SLC12A9: variants seen among roughly 807,000 people sequenced by gnomAD.
SLC12A9 encodes CCC-interacting protein 1.
In SLC12A9, 55 loss-of-function variants were observed where a neutral mutation model predicts 66.0. That is an observed-to-expected ratio of 0.83 (90% confidence interval 0.67 to 1.04). The LOEUF is 1.04. SLC12A9 is among the 50% of genes least tolerant of loss of function. The probability of loss-of-function intolerance (pLI) is 0.00; values close to 1 mark genes in which losing one functional copy is unlikely to be tolerated. For missense variants in SLC12A9, 1,061 were observed against 1,241.9 expected (o/e 0.85, Z 2.19); for synonymous variants, 577 against 569.0 (o/e 1.01, Z -0.20).
chr7:100,835,401 C>T (rs1813632643), intron 1 of SLC12A9, among the ~76,000 whole-genome samples: 1 of 150,974 alleles, frequency 6.6e-6, no homozygotes, highest in African/African-American at 2.4e-5. Flanking sequence ...CCTGTAATCC[C>T]AGCACTTTGG....
At chr7:100,855,392 G>A (rs910163538) in intron 3 of SLC12A9, 2 of 325,680 alleles carry the variant, frequency 6.1e-6, no homozygotes, top group African/African-American at 4.5e-5. Flanking sequence ...AAAATGCTAG[G>A]ATTACAGGCG....
upstream of SLC12A9, among the ~76,000 whole-genome samples, chr7:100,848,302 C>A (rs1813962945): frequency 6.6e-6 from 1 of 151,166 alleles, no homozygotes; most frequent in Non-Finnish European, 1.5e-5. Context: ...CCCAACAGTT[C>A]AAGACCAGCC....
chr7:100,861,001 GCACTTTGCAGGGTTCA>G lies in SLC12A9; in HGVS notation c.1219-135_1219-120del. Reference sequence around the variant, plus strand: ...TCATTGACACTTTGGGGGTGCACTGGCACTTTGCAGGGTTCACTGGCACTTTCTGGGGCTCATTGAC... The same window carrying G: ...TCATTGACACTTTGGGGGTGCACTGGCTGGCACTTTCTGGGGCTCATTGAC... On this transcript the variant is annotated intron_variant, in intron 9 of 13. Transcript: ENST00000354161. The surrounding 1 kb of genome is among the most constrained non-coding windows in gnomAD (Gnocchi z 5.3). 1 of 1,487,072 alleles carries G rather than the reference GCACTTTGCAGGGTTCA, an allele frequency of 6.7e-7. No individual in the cohort carries two copies. The highest frequency in any genetic ancestry group is 9.3e-7 in the Non-Finnish European group (1 of 1,077,530). The allele number at this position is 1,487,072 out of a possible 1,614,324, so 92.1% of individuals were successfully genotyped here.
chr7:100,864,435 A>G (rs1198646467), intron 13 of SLC12A9, among the ~76,000 whole-genome samples: 3 of 152,212 alleles, frequency 2.0e-5, no homozygotes, highest in Non-Finnish European at 2.9e-5. Context: ...GTTCCTTTAA[A>G]TGGTGGATTC....
chr7:100,851,129 T>C (rs1310742549), upstream of SLC12A9, among the ~76,000 whole-genome samples: 2 of 151,332 alleles, frequency 1.3e-5, no homozygotes, highest in Non-Finnish European at 3.0e-5. Context: ...AGTCCTGAGA[T>C]TACAGGCGTG....
chr7:100,854,234 C>T lies in SLC12A9; in HGVS notation c.37C>T (p.Leu13Phe), dbSNP rs1289252926. 1 of 1,576,434 alleles carries T rather than the reference C, an allele frequency of 6.3e-7. No individual in the cohort carries two copies. The highest frequency in any genetic ancestry group is 2.3e-5 in the East Asian group (1 of 44,314). ...SESSPLLAYR[L>F]LGEEGVALPA... ...GAGCTCACCTCTGCTGGCCTACCGG[C>T]TCCTGGGGGAGGAGGGGGTTGCCCT... Residue 13 changes from leucine to phenylalanine, a missense_variant, in exon 2 of 14, where the codon CTC (leucine) becomes TTC (phenylalanine). Physicochemically the swap from Leu to Phe is conservative, Grantham distance 22. Transcript: ENST00000354161.
At chr7:100,833,950 A>C in intron 1 of SLC12A9, among the ~76,000 whole-genome samples, 1 of 150,268 alleles carries the variant, frequency 6.7e-6, no homozygotes, top group Non-Finnish European at 1.5e-5. Context: ...AAAAAAAAAA[A>C]AAAAAAAAAA....
chr7:100,859,311 G>C, intron 7 of SLC12A9, 150 bp downstream of exon 7: 1 of 710,820 alleles, frequency 1.4e-6, no homozygotes, highest in Non-Finnish European at 2.4e-6. Flanking sequence ...ATAGCCAGCA[G>C]CTGCCATGGA....
Position 100,866,515 on chromosome 7 carries a change from C to T in SLC12A9, c.2655C>T (p.Arg885=), listed in dbSNP as rs1036070959. 3 of 1,570,886 alleles carry T rather than the reference C, an allele frequency of 1.9e-6. No homozygotes were observed. The highest frequency in any genetic ancestry group is 2.7e-5 in the African/African-American group (2 of 74,240). The part of the protein sequence containing the change: ...RPPADPARYP[R]YLALLETLTR... ...CAGCCGATCCCGCCCGATACCCCCG[C>T]TACCTGGCGCTACTGGAGACTCTAA... The change falls in exon 14 of 14, where the codon CGC becomes CGT. Residue 885 remains arginine, a synonymous_variant. Transcript: ENST00000354161. The surrounding 1 kb of genome is among the most constrained non-coding windows in gnomAD (Gnocchi z 7.3).
At position 100,854,704 on chromosome 7, in the gene SLC12A9, C is replaced by G; in HGVS notation, c.266C>G (p.Ser89Cys). Reference protein sequence around the residue: ...AYFILALTVLSVCAIATNGAV... With the variant: ...AYFILALTVLCVCAIATNGAV... ...TTCATCCTGGCACTCACCGTCCTCT[C>G]TGTCTGTGCCATCGCCACCAATGGA... The change falls in exon 3 of 14, where the codon TCT (serine) becomes TGT (cysteine). Residue 89 changes from serine to cysteine, a missense_variant. Transcript: ENST00000354161. 1 of 1,614,072 alleles carries G rather than the reference C, an allele frequency of 6.2e-7. No homozygotes were observed. Among genetic ancestry groups the G allele is most frequent in the Non-Finnish European group, 8.5e-7 (1 of 1,179,982 alleles).
intron 13 of SLC12A9, chr7:100,865,307 T>G (rs1815002689): frequency 6.5e-7 from 1 of 1,535,848 alleles, no homozygotes; most frequent in African/African-American, 1.4e-5. Context: ...GCTATTACCC[T>G]GGGGATTCAG....
At position 100,866,259 on chromosome 7, in the gene SLC12A9, A is replaced by G; in HGVS notation, c.2399A>G (p.Glu800Gly). Residue 800 changes from glutamate to glycine, a missense_variant, in exon 14 of 14, where the codon GAG (glutamate) becomes GGG (glycine). Glu to Gly is a moderately conservative substitution (Grantham distance 98). Transcript: ENST00000354161. The surrounding 1 kb of genome is among the most constrained non-coding windows in gnomAD (Gnocchi z 7.3). ...SQLRIRAEVQEVVWGEGAGAG... is the reference protein window; with the variant it reads ...SQLRIRAEVQGVVWGEGAGAG... ...CTGAGGATCCGGGCTGAGGTGCAGG[A>G]GGTGGTGTGGGGCGAGGGGGCCGGG... 2 of 1,304,458 alleles carry G rather than the reference A, an allele frequency of 1.5e-6. No homozygotes were observed. The highest frequency in any genetic ancestry group is 2.1e-6 in the Non-Finnish European group (2 of 962,762). The allele number at this position is 1,304,458 out of a possible 1,614,324, so 80.8% of individuals were successfully genotyped here.
At chr7:100,840,257 C>T (rs1434431447) in intron 1 of SLC12A9, among the ~76,000 whole-genome samples, 6 of 151,972 alleles carry the variant, frequency 3.9e-5, no homozygotes, top group African/African-American at 1.5e-4. Context: ...AATAAGCCCA[C>T]CCTGCTAGGA....
intron 1 of SLC12A9, among the ~76,000 whole-genome samples, chr7:100,844,633 C>T (rs1709060502): frequency 6.6e-6 from 1 of 152,020 alleles, no homozygotes; most frequent in African/African-American, 2.4e-5. Flanking sequence ...ATAAAAAGGA[C>T]CCAGTCCACC....
intron 1 of SLC12A9, among the ~76,000 whole-genome samples, chr7:100,830,099 C>G (rs2116487935): frequency 6.6e-6 from 1 of 151,884 alleles, no homozygotes; most frequent in African/African-American, 2.4e-5. Flanking sequence ...CACCTGTAAT[C>G]CCAGCACTTT....
At chr7:100,860,265 C>T (rs1814665030) in intron 9 of SLC12A9, 33 bp downstream of exon 9, 1 of 1,603,546 alleles carries the variant, frequency 6.2e-7, no homozygotes, top group African/African-American at 1.3e-5. Flanking sequence ...CCCTTTCCCT[C>T]ACCCCACCAG....
intron 1 of SLC12A9, among the ~76,000 whole-genome samples, chr7:100,840,529 A>G (rs571607578): frequency 6.6e-6 from 1 of 152,200 alleles, no homozygotes; most frequent in South Asian, 2.1e-4. Flanking sequence ...AGCGGTTGAG[A>G]ACAGCAGCAT....
chr7:100,865,141 A>G, intron 13 of SLC12A9: 2 of 922,438 alleles, frequency 2.2e-6, no homozygotes, highest in Non-Finnish European at 3.4e-6. Flanking sequence ...TATTTTTAGT[A>G]GAGATAGCAT....
At chr7:100,831,574 C>A (rs1397220942) in intron 1 of SLC12A9, among the ~76,000 whole-genome samples, 2 of 152,182 alleles carry the variant, frequency 1.3e-5, no homozygotes, top group African/African-American at 4.8e-5. Context: ...ACCTCCTGGG[C>A]TCGAGCAATC....
Sources: gnomAD v4.1 joint callset for allele counts (sites outside exome capture counted in the v4.1 genomes callset) on GRCh38, gnomAD v4.1.1 for gene constraint, Gnocchi (gnomAD v3.1) non-coding constraint, MANE v1.5 for transcripts, NCBI Gene and HGNC (gene_info 2026-07-23, HGNC 2026-07-21) for gene names.